PGPEP1L: variants seen among roughly 807,000 people sequenced by gnomAD.
PGPEP1L encodes pyroglutamyl-peptidase I like.
Under a neutral mutation model 6.0 loss-of-function variants are expected in PGPEP1L, and 7 were observed. That is an observed-to-expected ratio of 1.17 (90% confidence interval 0.66 to 2.19). The LOEUF (loss-of-function observed/expected upper bound fraction) is 2.19, where lower values mean the gene tolerates loss of function less well. PGPEP1L is among the 30% of genes most tolerant of loss of function. The pLI, the probability that PGPEP1L is intolerant of heterozygous loss-of-function variation, is 0.00. For synonymous variants in PGPEP1L, 103 were observed against 83.9 expected (o/e 1.23, Z -1.24); for missense variants, 209 against 192.5 (o/e 1.09, Z -0.51).
At chr15:98,982,684 T>G (rs2017681970) in intron 2 of PGPEP1L, among the ~76,000 whole-genome samples, 2 of 147,410 alleles carry the variant, frequency 1.4e-5, no homozygotes, top group African/African-American at 5.0e-5. Flanking sequence ...CTCACTCTGG[T>G]TATTTTTATC....
At chr15:98,970,961 C>G in intron 3 of PGPEP1L, 75 bp downstream of exon 3, 2 of 1,585,664 alleles carry the variant, frequency 1.3e-6, no homozygotes, top group East Asian at 4.5e-5. Flanking sequence ...AACCCTAGAA[C>G]CAGGACCCGG....
At chr15:98,969,358 C>CG (rs1291728764) in intron 4 of PGPEP1L, 67 bp downstream of exon 4, 2 of 1,589,020 alleles carry the variant, frequency 1.3e-6, no homozygotes. Flanking sequence ...TCTTGGAGGT[C>CG]GGGGGGACGC....
At chr15:98,980,270 G>C (rs571698871) in intron 2 of PGPEP1L, among the ~76,000 whole-genome samples, 1 of 152,100 alleles carries the variant, frequency 6.6e-6, no homozygotes, top group African/African-American at 2.4e-5. Flanking sequence ...GTGTGGACTC[G>C]TGCCATTTCC....
intron 4 of PGPEP1L, 127 bp from the exon 5 acceptor site, chr15:98,968,824 G>A: frequency 1.2e-6 from 1 of 854,990 alleles, no homozygotes; most frequent in East Asian, 2.7e-5. Context: ...AGGGAGACTT[G>A]TGTTGTTTCA....
Position 98,968,316 on chromosome 15 carries a change from C to T in PGPEP1L, c.*162G>A. 2 of 686,182 alleles carry T rather than the reference C, an allele frequency of 2.9e-6. No individual in the cohort carries two copies. Among genetic ancestry groups the T allele is most frequent in the Admixed American group, 2.7e-5 (1 of 36,600 alleles). The allele number at this position is 686,182 out of a possible 1,614,324, so 42.5% of individuals were successfully genotyped here. On this transcript the variant is annotated 3_prime_UTR_variant, in exon 5 of 5. Coordinates refer to ENST00000535714, the MANE Select transcript of PGPEP1L (RefSeq NM_001167902.2). Reference sequence around the variant, plus strand: ...ATGTCCACCTTTCAGAGTGTTCTTTCTCCTGACAATAAAATAACCCTTTGT... The same window carrying T: ...ATGTCCACCTTTCAGAGTGTTCTTTTTCCTGACAATAAAATAACCCTTTGT...
intron 1 of PGPEP1L, among the ~76,000 whole-genome samples, chr15:99,006,943 A>C (rs1409292470): frequency 1.3e-5 from 2 of 152,176 alleles, no homozygotes; most frequent in Non-Finnish European, 1.5e-5. Context: ...GAGCCTCTCA[A>C]GCACCCTGCG....
At chr15:99,001,200 G>A (rs2593051) in intron 2 of PGPEP1L, 289,871 of 418,344 alleles carry the variant, frequency 0.69, 103,355 homozygotes, top group Non-Finnish European at 0.77. Context: ...GAGAGTCCGC[G>A]GCTTCATTCT....
intron 4 of PGPEP1L, 45 bp from the exon 5 acceptor site, chr15:98,968,742 A>AAC: frequency 6.6e-7 from 1 of 1,521,046 alleles, no homozygotes; most frequent in Middle Eastern, 1.7e-4. Context: ...ACCAGCCTCT[A>AAC]ACCTCAGTGA....
intron 2 of PGPEP1L, among the ~76,000 whole-genome samples, chr15:98,992,747 A>T (rs1312701333): frequency 3.3e-5 from 5 of 152,228 alleles, no homozygotes; most frequent in African/African-American, 1.2e-4. Context: ...ACCAAAACAG[A>T]TATATAAACC....
Position 99,007,425 on chromosome 15 carries a change from G to C in PGPEP1L, c.-436C>G, listed in dbSNP as rs1247692213. 3 of 152,372 alleles carry C rather than the reference G, an allele frequency of 2.0e-5. No homozygotes were observed. The highest frequency in any genetic ancestry group is 2.9e-5 in the Non-Finnish European group (2 of 68,180). 9.4% of individuals were successfully genotyped at this position (152,372 alleles called of 1,614,324 possible). ...TCTCACTGACTTCAAGAACGAAGCC[G>C]CGGACCCTGGCGGTGAGTGTTACAG... On this transcript the variant is annotated 5_prime_UTR_variant, in exon 1 of 5. Transcript: ENST00000535714.
intron 2 of PGPEP1L, among the ~76,000 whole-genome samples, chr15:98,997,851 C>G (rs1482322151): frequency 6.6e-6 from 1 of 152,138 alleles, no homozygotes; most frequent in African/African-American, 2.4e-5. Flanking sequence ...CGAACCTGCT[C>G]TGAGGACACT....
chr15:98,987,920 A>G (rs1015469669), intron 2 of PGPEP1L, among the ~76,000 whole-genome samples: 24 of 152,134 alleles, frequency 1.6e-4, no homozygotes, highest in African/African-American at 5.8e-4. Flanking sequence ...GGAAGCTGTG[A>G]GAGACTGTAC....
At chr15:98,968,814 A>AG (rs2017444802) in intron 4 of PGPEP1L, 117 bp from the exon 5 acceptor site, 5 of 904,064 alleles carry the variant, frequency 5.5e-6, no homozygotes, top group Non-Finnish European at 8.5e-6. Context: ...CTGCCACCCA[A>AG]GGGAGACTTG....
chr15:98,977,003 CAAAAAAA>C (rs11385185), intron 2 of PGPEP1L, among the ~76,000 whole-genome samples: 1 of 128,962 alleles, frequency 7.8e-6, no homozygotes, highest in Non-Finnish European at 1.6e-5. Context: ...AGTAAAATGG[CAAAAAAA>C]AAAAAAAAAA....
chr15:99,007,128 G>A (rs1235899201), intron 1 of PGPEP1L, among the ~76,000 whole-genome samples: 1 of 152,182 alleles, frequency 6.6e-6, no homozygotes, highest in Non-Finnish European at 1.5e-5. Flanking sequence ...CCTGGTGTGG[G>A]CTGCAGGCCT....
chr15:98,984,306 G>A (rs185161956), intron 2 of PGPEP1L, among the ~76,000 whole-genome samples: 7 of 152,224 alleles, frequency 4.6e-5, no homozygotes, highest in African/African-American at 7.2e-5. Context: ...CACCGTGCTC[G>A]GCCTGGAGTA....
chr15:98,978,369 C>T (rs1056263866), intron 2 of PGPEP1L, among the ~76,000 whole-genome samples: 2 of 152,080 alleles, frequency 1.3e-5, no homozygotes, highest in Non-Finnish European at 2.9e-5. Flanking sequence ...GTGTAGAGTC[C>T]AGGGACCTAA....
chr15:99,006,350 T>C (rs1353448300), intron 1 of PGPEP1L, among the ~76,000 whole-genome samples: 1 of 152,246 alleles, frequency 6.6e-6, no homozygotes, highest in Non-Finnish European at 1.5e-5. Flanking sequence ...CTTGACACTG[T>C]GCTGGACTCC....
intron 2 of PGPEP1L, among the ~76,000 whole-genome samples, chr15:99,000,006 C>G (rs1239485471): frequency 6.6e-6 from 1 of 152,248 alleles, no homozygotes; most frequent in Admixed American, 6.5e-5. Flanking sequence ...CTGGGCAGGC[C>G]AAGGCCAGCG....
Sources: allele counts gnomAD v4.1 joint callset (sites outside exome capture counted in the v4.1 genomes callset), GRCh38; gene constraint gnomAD v4.1.1; transcripts MANE v1.5; gene names NCBI Gene and HGNC (gene_info 2026-07-23, HGNC 2026-07-21).